Variants in OPHN1 observed in about 807,000 individuals in gnomAD.
The protein encoded by OPHN1 is oligophrenin 1.
Under a neutral mutation model 60.7 loss-of-function variants are expected in OPHN1, and 11 were observed. The ratio of observed to expected loss-of-function variants is 0.18; its 90% CI spans 0.11 to 0.30. OPHN1 has a LOEUF of 0.30. Among genes scored for constraint, OPHN1 ranks in the 10% least tolerant of loss-of-function variants. The probability of loss-of-function intolerance (pLI) is 1.00; values close to 1 mark genes in which losing one functional copy is unlikely to be tolerated. For missense variants in OPHN1, 449 were observed against 611.0 expected (o/e 0.73, Z 2.80); for synonymous variants, 226 against 222.6 (o/e 1.02, Z -0.14).
intron 5 of OPHN1, among the ~76,000 whole-genome samples, chrX:68,262,524 C>A (rs188893319): frequency 5.9e-4 from 66 of 112,143 alleles, no homozygotes; most frequent in Non-Finnish European, 1.0e-3. Context: ...TGGCTCACCC[C>A]TATAATCCCA....
At chrX:68,188,479 T>C (rs969137365) in intron 15 of OPHN1, among the ~76,000 whole-genome samples, 8 of 112,246 alleles carry the variant, frequency 7.1e-5, no homozygotes, top group South Asian at 7.4e-4. Flanking sequence ...TTAATGAACC[T>C]ATATAAAATC....
intron 2 of OPHN1, among the ~76,000 whole-genome samples, chrX:68,422,582 G>A (rs1159362279): frequency 1.2e-5 from 1 of 86,096 alleles, no homozygotes; most frequent in African/African-American, 4.2e-5. Context: ...AAAGAAGGGA[G>A]GGAAGAAAGA....
intron 15 of OPHN1, among the ~76,000 whole-genome samples, chrX:68,180,117 C>T (rs1160268771): frequency 9.0e-6 from 1 of 111,438 alleles, no homozygotes; most frequent in Non-Finnish European, 1.9e-5. Flanking sequence ...ACTATAAAAC[C>T]CCAATGCAGT....
chrX:68,371,075 C>T (rs1441194551), intron 2 of OPHN1, among the ~76,000 whole-genome samples: 3 of 111,223 alleles, frequency 2.7e-5, no homozygotes, highest in African/African-American at 9.8e-5. Flanking sequence ...CAGAGAGACC[C>T]ACAATATGGA....
intron 5 of OPHN1, among the ~76,000 whole-genome samples, chrX:68,255,815 G>A (rs1422488125): frequency 9.1e-6 from 1 of 110,404 alleles, no homozygotes; most frequent in Non-Finnish European, 1.9e-5. Context: ...AATGATTTTT[G>A]ACTAAAAATA....
Position 68,359,620 on chromosome X carries a change from A to C in OPHN1, c.155-60524T>G, listed in dbSNP as rs182625041. 4.3e-3 allele frequency among the ~76,000 whole-genome samples: 473 copies of C among 110,119 alleles called. 1 individual carries two copies. The highest frequency in any genetic ancestry group is 0.015 in the African/African-American group (454 of 30,271). On this transcript the variant is annotated intron_variant, in intron 2 of 24. Coordinates refer to ENST00000355520, the MANE Select transcript of OPHN1 (RefSeq NM_002547.3). ...GCCTGTAATCCCAGCACTTTGGGAG[A>C]TCAAGGTGGGCGGATCACGAGGTCA...
intron 15 of OPHN1, among the ~76,000 whole-genome samples, chrX:68,150,399 G>T (rs1043759782): frequency 2.7e-5 from 3 of 111,528 alleles, no homozygotes; most frequent in Non-Finnish European, 3.8e-5. Context: ...CATAATGTAC[G>T]GTTGAGTGGG....
intron 2 of OPHN1, among the ~76,000 whole-genome samples, chrX:68,391,375 T>C (rs747117074): frequency 9.0e-6 from 1 of 111,615 alleles, no homozygotes; most frequent in Admixed American, 9.7e-5. Flanking sequence ...AATGAGCATA[T>C]TTCACTTTGT....
At chrX:68,396,387 G>C (rs1347912400) in intron 2 of OPHN1, among the ~76,000 whole-genome samples, 3 of 77,944 alleles carry the variant, frequency 3.8e-5, no homozygotes, top group East Asian at 4.3e-4. Flanking sequence ...CTATGATTGT[G>C]CCACTGCTCT....
chrX:68,136,161 T>A (rs2077218258), intron 15 of OPHN1, among the ~76,000 whole-genome samples: 2 of 110,532 alleles, frequency 1.8e-5, no homozygotes, highest in Non-Finnish European at 3.8e-5. Context: ...TATTATTAAA[T>A]ATAAAGTTAT....
chrX:68,101,299 C>T (rs1158591127), intron 18 of OPHN1, among the ~76,000 whole-genome samples: 1 of 111,929 alleles, frequency 8.9e-6, no homozygotes, highest in Non-Finnish European at 1.9e-5. Flanking sequence ...ACTTAAGTGA[C>T]TATAATATGA....
At chrX:68,197,910 C>G (rs1192254177) in intron 11 of OPHN1, among the ~76,000 whole-genome samples, 1 of 110,852 alleles carries the variant, frequency 9.0e-6, no homozygotes, top group African/African-American at 3.3e-5. Context: ...TTACAGTAAT[C>G]ATCTCTATTT....
intron 10 of OPHN1, among the ~76,000 whole-genome samples, chrX:68,201,949 C>T (rs1273197386): frequency 8.9e-6 from 1 of 111,942 alleles, no homozygotes; most frequent in African/African-American, 3.2e-5. Flanking sequence ...AGTCATCCAG[C>T]ACTCTTTCCC....
At chrX:68,376,698 T>C (rs1032485505) in intron 2 of OPHN1, among the ~76,000 whole-genome samples, 10 of 111,159 alleles carry the variant, frequency 9.0e-5, no homozygotes, top group Non-Finnish European at 1.7e-4. Flanking sequence ...CCTCCCACCA[T>C]CTAGCTCAGT....
At chrX:68,299,561 C>A (rs1327112567) in intron 2 of OPHN1, among the ~76,000 whole-genome samples, 1 of 111,348 alleles carries the variant, frequency 9.0e-6, no homozygotes, top group Non-Finnish European at 1.9e-5. Context: ...TCTCCAGAGC[C>A]CTATCCATGA....
intron 18 of OPHN1, among the ~76,000 whole-genome samples, chrX:68,099,248 T>A (rs1378352203): frequency 9.0e-6 from 1 of 111,455 alleles, no homozygotes; most frequent in African/African-American, 3.3e-5. Context: ...AAATTGTGGG[T>A]TAACAAGATG....
chrX:68,385,075 AT>A (rs979145287), intron 2 of OPHN1, among the ~76,000 whole-genome samples: 2 of 111,548 alleles, frequency 1.8e-5, no homozygotes, highest in African/African-American at 6.5e-5. Context: ...TTTAAAAAAA[AT>A]CAGTATAAAT....
At chrX:68,294,473 C>CAAAAAA (rs570989143) in intron 3 of OPHN1, among the ~76,000 whole-genome samples, 11 of 10,642 alleles carry the variant, frequency 1.0e-3, no homozygotes, top group African/African-American at 1.2e-3. Flanking sequence ...GACTCTATCA[C>CAAAAAA]AAAAAAAAAA....
At chrX:68,078,424 A>T (rs2076961410) in intron 19 of OPHN1, among the ~76,000 whole-genome samples, 1 of 112,075 alleles carries the variant, frequency 8.9e-6, no homozygotes, top group East Asian at 2.8e-4. Context: ...AACTTCTAAA[A>T]AAACGTTTTG....
Sources: gnomAD v4.1 joint callset for allele counts (sites outside exome capture counted in the v4.1 genomes callset) on GRCh38, gnomAD v4.1.1 for gene constraint, MANE v1.5 for transcripts, NCBI Gene and HGNC (gene_info 2026-07-23, HGNC 2026-07-21) for gene names.